The following DSN1 variants were observed in gnomAD, a reference collection of about 807,000 sequenced individuals.
The protein encoded by DSN1 is kinetochore-associated protein DSN1 homolog.
Under a neutral mutation model 45.7 loss-of-function variants are expected in DSN1, and 31 were observed. The ratio of observed to expected loss-of-function variants is 0.68; its 90% CI spans 0.51 to 0.92. DSN1 has a LOEUF of 0.92. DSN1 is among the 40% of genes least tolerant of loss of function. The pLI is 0.00. For missense variants in DSN1, 394 were observed against 414.2 expected (o/e 0.95, Z 0.42); for synonymous variants, 134 against 142.3 (o/e 0.94, Z 0.41).
intron 10 of DSN1, among the ~76,000 whole-genome samples, chr20:36,753,284 G>A (rs1986473991): frequency 6.7e-6 from 1 of 150,368 alleles, no homozygotes; most frequent in African/African-American, 2.4e-5. Flanking sequence ...AGGCTGCAAT[G>A]AGTCATGACT....
intron 8 of DSN1, among the ~76,000 whole-genome samples, chr20:36,757,165 G>A (rs1182291823): frequency 6.6e-6 from 1 of 152,212 alleles, no homozygotes; most frequent in Non-Finnish European, 1.5e-5. Flanking sequence ...CGACCAGCCT[G>A]GCCAACATGG....
intron 8 of DSN1, among the ~76,000 whole-genome samples, chr20:36,756,116 G>A (rs1232017879): frequency 1.3e-5 from 2 of 152,048 alleles, no homozygotes; most frequent in Non-Finnish European, 2.9e-5. Context: ...GAGTAGCTGG[G>A]ATTTCAGGCA....
Position 36,752,606 on chromosome 20 carries a change from T to G in DSN1, c.*182A>C, listed in dbSNP as rs62208060. 0.044 allele frequency: 21,320 copies of G among 485,834 alleles called. 590 individuals carry two copies. The highest frequency in any genetic ancestry group is 0.059 in the Non-Finnish European group (16,216 of 273,572). 30.1% of individuals were successfully genotyped at this position (485,834 alleles called of 1,614,324 possible). On this transcript the variant is annotated 3_prime_UTR_variant, in exon 11 of 11. Coordinates refer to ENST00000373750, the MANE Select transcript of DSN1 (RefSeq NM_001145315.2). Reference sequence around the variant, plus strand: ...TTTGCACATTCCTGGGAAAATTGTCTATACAATATTCATTTGGATGTACAA... The same window carrying G: ...TTTGCACATTCCTGGGAAAATTGTCGATACAATATTCATTTGGATGTACAA...
intron 8 of DSN1, among the ~76,000 whole-genome samples, chr20:36,756,258 G>A (rs1305162488): frequency 6.6e-6 from 1 of 152,146 alleles, no homozygotes; most frequent in African/African-American, 2.4e-5. Flanking sequence ...GGAATTACAG[G>A]CGTGAGCCAC....
chr20:36,763,884 T>C (rs1160720194), intron 5 of DSN1, among the ~76,000 whole-genome samples: 2 of 3,466 alleles, frequency 5.8e-4, no homozygotes, highest in Non-Finnish European at 7.9e-4. Flanking sequence ...AAACTCTGTC[T>C]CAAAAAAAAA....
At chr20:36,756,037 G>A (rs762893166) in intron 8 of DSN1, among the ~76,000 whole-genome samples, 14 of 151,808 alleles carry the variant, frequency 9.2e-5, no homozygotes, top group South Asian at 2.1e-4. Flanking sequence ...GCAGTGGTGC[G>A]GTCTCAGGTC....
At position 36,758,566 on chromosome 20, in the gene DSN1, G is replaced by A. The variant is rs143770788; in HGVS notation, c.642C>T (p.Tyr214=). The part of the protein sequence containing the change: ...LEASVAEMKE[Y]ITKFSLERQT... ...AACAAAGGTTAACTTACTTTGTTAT[G>A]TATTCCTTCATCTCAGCCACAGATG... is the stretch of plus-strand genomic sequence containing the variant. The change falls in exon 7 of 11, where the codon TAC becomes TAT. Residue 214 remains tyrosine (Y), a synonymous_variant. Coordinates refer to ENST00000373750, the MANE Select transcript of DSN1 (RefSeq NM_001145315.2). 40 of 1,610,586 alleles carry A rather than the reference G, an allele frequency of 2.5e-5. No homozygotes were observed. The highest frequency in any genetic ancestry group is 3.1e-5 in the Non-Finnish European group (36 of 1,179,070).
At chr20:36,761,768 G>A (rs1986993310) in intron 6 of DSN1, among the ~76,000 whole-genome samples, 1 of 152,062 alleles carries the variant, frequency 6.6e-6, no homozygotes, top group Non-Finnish European at 1.5e-5. Context: ...AGGCTAAGTA[G>A]GGCGAATTAC....
chr20:36,760,669 C>T (rs1986928547), intron 6 of DSN1, among the ~76,000 whole-genome samples: 1 of 152,100 alleles, frequency 6.6e-6, no homozygotes, highest in Admixed American at 6.6e-5. Context: ...GGGTGGATCA[C>T]CTGAGGTTAG....
chr20:36,758,533 G>A, intron 7 of DSN1, 25 bp downstream of exon 7: 1 of 1,585,696 alleles, frequency 6.3e-7, no homozygotes. Context: ...AACGAATTTA[G>A]ATTTTCTAAC....
At chr20:36,756,148 T>A (rs1310294186) in intron 8 of DSN1, among the ~76,000 whole-genome samples, 1 of 151,992 alleles carries the variant, frequency 6.6e-6, no homozygotes, top group East Asian at 1.9e-4. Context: ...GCCCAGCTAA[T>A]TTTTTGTATT....
chr20:36,754,363 AG>A (rs1986554790), intron 10 of DSN1, among the ~76,000 whole-genome samples: 1 of 152,118 alleles, frequency 6.6e-6, no homozygotes. Context: ...AAAAAGTAGA[AG>A]AAGAAAGAAA....
At chr20:36,768,446 G>T (rs1217137806) in intron 3 of DSN1, among the ~76,000 whole-genome samples, 1 of 152,214 alleles carries the variant, frequency 6.6e-6, no homozygotes, top group Non-Finnish European at 1.5e-5. Flanking sequence ...CAGAGGCTGA[G>T]GCATGAGAAT....
At position 36,766,799 on chromosome 20, in the gene DSN1, C is replaced by G. The variant is rs1452236805; in HGVS notation, c.472G>C (p.Gly158Arg). The stretch of plus-strand genomic sequence containing the variant: ...GCTCTAAAACTTTCAAGACTGAAGC[C>G]CTTAGTGTCCCTTAGGAAAGGTTCA... Reference protein sequence around the residue: ...KLEPFLRDTKGFSLESFRAKA... With the variant: ...KLEPFLRDTKRFSLESFRAKA... The change falls in exon 5 of 11, where the codon GGC becomes CGC. Residue 158 changes from glycine to arginine, a missense_variant. Gly to Arg is a moderately radical substitution (Grantham distance 125). Transcript: ENST00000373750. 6.2e-7 allele frequency: 1 copy of G among 1,609,144 alleles called. No individual in the cohort carries two copies. The highest frequency in any genetic ancestry group is 1.3e-5 in the African/African-American group (1 of 74,506).
Position 36,768,113 on chromosome 20 carries a change from T to C in DSN1, c.356-71A>G, listed in dbSNP as rs536992930. On this transcript the variant is annotated intron_variant, in intron 3 of 10. Coordinates refer to ENST00000373750, the MANE Select transcript of DSN1 (RefSeq NM_001145315.2). The stretch of plus-strand genomic sequence containing the variant: ...GTTAGCAACTAACAAAACTGAAAAA[T>C]GTCCTCCCTCTTGATAAATCCAACT... 43 of 1,461,684 alleles carry C rather than the reference T, an allele frequency of 2.9e-5. No homozygotes were observed. The African/African-American group carries it at 4.3e-4, about 15-fold the overall frequency. The allele number at this position is 1,461,684 out of a possible 1,614,324, so 90.5% of individuals were successfully genotyped here.
intron 4 of DSN1, among the ~76,000 whole-genome samples, chr20:36,767,386 G>C (rs1987403419): frequency 6.8e-6 from 1 of 147,928 alleles, no homozygotes; most frequent in Admixed American, 6.7e-5. Context: ...TTCGGTTCAG[G>C]AAAAAAAAAA....
At chr20:36,755,519 CATTT>C (rs955194005) in intron 9 of DSN1, among the ~76,000 whole-genome samples, 159 bp downstream of exon 9, 3 of 151,904 alleles carry the variant, frequency 2.0e-5, no homozygotes, top group Non-Finnish European at 4.4e-5. Context: ...ACTATATATT[CATTT>C]GTTTATTATT....
intron 3 of DSN1, among the ~76,000 whole-genome samples, chr20:36,769,074 T>C (rs1208860786): frequency 6.6e-6 from 1 of 152,232 alleles, no homozygotes; most frequent in South Asian, 2.1e-4. Flanking sequence ...AATAGGTCAC[T>C]TGCCCAAGGT....
intron 6 of DSN1, among the ~76,000 whole-genome samples, chr20:36,760,175 T>C (rs1299977124): frequency 9.9e-5 from 15 of 151,456 alleles, no homozygotes; most frequent in Non-Finnish European, 2.1e-4. Flanking sequence ...GCCCAGGAGG[T>C]GGAGGTTGCA....
Sources: gnomAD v4.1 joint callset for allele counts (sites outside exome capture counted in the v4.1 genomes callset) on GRCh38, gnomAD v4.1.1 for gene constraint, MANE v1.5 for transcripts, NCBI Gene and HGNC (gene_info 2026-07-23, HGNC 2026-07-21) for gene names.